The following HAUS6 variants were observed in gnomAD, a reference collection of about 807,000 sequenced individuals.
HAUS6 encodes HAUS augmin like complex subunit 6.
In HAUS6, 80 loss-of-function variants were observed where a neutral mutation model predicts 106.8. That is an observed-to-expected ratio of 0.75 (90% CI 0.63 to 0.90). The LOEUF is 0.90. HAUS6 is among the 40% of genes least tolerant of loss of function. The pLI is 0.00. For missense variants in HAUS6, 1,155 were observed against 1,118.1 expected (o/e 1.03, Z -0.47); for synonymous variants, 356 against 379.1 (o/e 0.94, Z 0.71).
At position 19,076,712 on chromosome 9, in the gene HAUS6, C is replaced by G. The variant is rs943273247; in HGVS notation, c.1192-8G>C. On this transcript the variant is annotated splice_region_variant and splice_polypyrimidine_tract_variant and intron_variant, in intron 10 of 16. Transcript: ENST00000380502. ...TGGTAAAAGATCTACAGACTTAAAA[C>G]AGAAAATTCACAATTTTGAAGTAAA... The G allele has an allele frequency of 7.7e-7, 1 of 1,300,124 alleles. No individual in the cohort carries two copies. The highest frequency in any genetic ancestry group is 1.1e-6 in the Non-Finnish European group (1 of 898,134). The allele number at this position is 1,300,124 out of a possible 1,614,324, so 80.5% of individuals were successfully genotyped here.
At chr9:19,089,613 G>A (rs1026957952) in intron 4 of HAUS6, 54 bp from the exon 5 acceptor site, 31 of 1,378,080 alleles carry the variant, frequency 2.2e-5, no homozygotes, top group Admixed American at 6.2e-5. Flanking sequence ...ATAGTAGTGG[G>A]TTATCAGAAA....
At chr9:19,086,876 A>C (rs1837308599) in intron 6 of HAUS6, 94 bp from the exon 7 acceptor site, 4 of 661,618 alleles carry the variant, frequency 6.0e-6, no homozygotes, top group Non-Finnish European at 1.1e-5. Flanking sequence ...CAACCCACCA[A>C]CAACCACCCC....
chr9:19,078,118 CAAAAAAA>C, intron 10 of HAUS6, 51 bp downstream of exon 10: 1 of 1,069,326 alleles, frequency 9.4e-7, no homozygotes, highest in Non-Finnish European at 1.3e-6. Context: ...GACACTGTCT[CAAAAAAA>C]AAAAAAAAGG....
At chr9:19,069,699 CA>C (rs542217052) in intron 12 of HAUS6, among the ~76,000 whole-genome samples, 2 of 146,500 alleles carry the variant, frequency 1.4e-5, no homozygotes, top group South Asian at 4.3e-4. Flanking sequence ...GACTCCATTT[CA>C]AAAAAAAACA....
chr9:19,085,765 C>A (rs1427120033), intron 7 of HAUS6, among the ~76,000 whole-genome samples: 1 of 152,148 alleles, frequency 6.6e-6, no homozygotes, highest in African/African-American at 2.4e-5. Flanking sequence ...TACTTAACAT[C>A]TCCCTTCAGT....
At chr9:19,089,377 A>T (rs41269007) in intron 5 of HAUS6, 35 bp downstream of exon 5, 4 of 1,407,752 alleles carry the variant, frequency 2.8e-6, no homozygotes, top group East Asian at 4.6e-5. Context: ...TTCAAAAGAA[A>T]GAAATTATTT....
rs1249877842 is a variant in HAUS6 at position 19,055,208 on chromosome 9, T to C, written c.*1135A>G. The C allele has an allele frequency of 6.6e-6, 1 of 152,192 alleles. No individual in the cohort carries two copies. Among genetic ancestry groups the C allele is most frequent in the Admixed American group, 6.5e-5 (1 of 15,272 alleles). The allele number at this position is 152,192 out of a possible 1,614,324, so 9.4% of individuals were successfully genotyped here. Reference sequence around the variant, plus strand: ...TCCTTGCCAGTTTTTTGGGGGCTAGTGGACAAGATTTTGATGGTAGTGAGA... The same window carrying C: ...TCCTTGCCAGTTTTTTGGGGGCTAGCGGACAAGATTTTGATGGTAGTGAGA... On this transcript the variant is annotated 3_prime_UTR_variant, in exon 17 of 17. Coordinates refer to ENST00000380502, the MANE Select transcript of HAUS6 (RefSeq NM_017645.5).
intron 4 of HAUS6, among the ~76,000 whole-genome samples, chr9:19,091,381 T>C (rs545921501): frequency 9.2e-5 from 14 of 152,116 alleles, no homozygotes; most frequent in Admixed American, 3.3e-4. Context: ...TTATCTAGAC[T>C]CTGAACACGT....
intron 2 of HAUS6, 98 bp from the exon 3 acceptor site, chr9:19,094,493 C>G: frequency 1.4e-6 from 1 of 702,116 alleles, no homozygotes; most frequent in Non-Finnish European, 2.4e-6. Context: ...TTTCTAATAC[C>G]AGAAATATTA....
In HAUS6 at chr9:19,053,270, T is replaced by G. The variant is rs1836395631; in HGVS notation, c.*3073A>C. The stretch of plus-strand genomic sequence containing the variant: ...ACAATGCATAAAGAAAAAGGTGATC[T>G]CTAGAGCAACTATGTATCTGCAACA... On this transcript the variant is annotated 3_prime_UTR_variant, in exon 17 of 17. Coordinates refer to ENST00000380502, the MANE Select transcript of HAUS6 (RefSeq NM_017645.5). The G allele has an allele frequency of 1.3e-5, 2 of 152,174 alleles. No individual in the cohort carries two copies. Among genetic ancestry groups the G allele is most frequent in the Non-Finnish European group, 2.9e-5 (2 of 68,004 alleles). The allele number at this position is 152,174 out of a possible 1,614,324, so 9.4% of individuals were successfully genotyped here.
At chr9:19,074,281 AAGAG>A (rs1157011949) in intron 11 of HAUS6, among the ~76,000 whole-genome samples, 1 of 152,022 alleles carries the variant, frequency 6.6e-6, no homozygotes, top group Admixed American at 6.6e-5. Flanking sequence ...AAAGAGAAAG[AAGAG>A]AGAGAGGGTC....
chr9:19,087,962 G>C (rs1033660161), intron 5 of HAUS6, among the ~76,000 whole-genome samples: 2 of 150,580 alleles, frequency 1.3e-5, no homozygotes, highest in African/African-American at 2.4e-5. Context: ...TGCCTAAACA[G>C]TATCTGACAC....
intron 8 of HAUS6, among the ~76,000 whole-genome samples, chr9:19,081,105 A>G (rs1837137513): frequency 6.6e-6 from 1 of 152,174 alleles, no homozygotes; most frequent in African/African-American, 2.4e-5. Context: ...GCGGGGGGAA[A>G]AAAATCAAAT....
At chr9:19,083,277 A>C (rs142717247) in intron 7 of HAUS6, among the ~76,000 whole-genome samples, 100 of 152,074 alleles carry the variant, frequency 6.6e-4, no homozygotes, top group African/African-American at 2.2e-3. Flanking sequence ...AAATCTAAGA[A>C]TTTTTTTGTT....
chr9:19,060,232 G>C lies in HAUS6; in HGVS notation c.1630-9C>G, dbSNP rs1836577955. The C allele has an allele frequency of 6.6e-7, 1 of 1,511,524 alleles. No individual in the cohort carries two copies. The highest frequency in any genetic ancestry group is 1.4e-5 in the African/African-American group (1 of 70,730). 93.6% of individuals were successfully genotyped at this position (1,511,524 alleles called of 1,614,324 possible). On this transcript the variant is annotated splice_polypyrimidine_tract_variant and intron_variant, in intron 14 of 16. Transcript: ENST00000380502. ...AAAACTGCTCTGGCAACCTAAAACAGAAAAGAAAAAGTAAAGCAAAGATTA... is the reference window on the plus strand; with the variant it reads ...AAAACTGCTCTGGCAACCTAAAACACAAAAGAAAAAGTAAAGCAAAGATTA...
At chr9:19,094,142 C>T (rs796892595) in intron 3 of HAUS6, among the ~76,000 whole-genome samples, 175 bp downstream of exon 3, 4 of 152,206 alleles carry the variant, frequency 2.6e-5, no homozygotes, top group African/African-American at 7.2e-5. Context: ...CTGGTTTCTT[C>T]GAAATATATA....
chr9:19,071,289 A>G (rs1836877076), intron 11 of HAUS6, among the ~76,000 whole-genome samples: 1 of 152,224 alleles, frequency 6.6e-6, no homozygotes, highest in Non-Finnish European at 1.5e-5. Context: ...GAAAATACCT[A>G]GAATGAAGCC....
intron 11 of HAUS6, among the ~76,000 whole-genome samples, chr9:19,071,573 CTTTTTT>C (rs34684530): frequency 1.8e-5 from 2 of 109,406 alleles, no homozygotes; most frequent in Non-Finnish European, 3.6e-5. Context: ...AAAATATTTT[CTTTTTT>C]TTTTTTTTTT....
intron 1 of HAUS6, among the ~76,000 whole-genome samples, chr9:19,102,001 A>G (rs1473998550): frequency 6.6e-6 from 1 of 152,220 alleles, no homozygotes; most frequent in Non-Finnish European, 1.5e-5. Flanking sequence ...AAGTGGAAAA[A>G]GTAGGGAAGG....
Sources: allele counts gnomAD v4.1 joint callset (sites outside exome capture counted in the v4.1 genomes callset), GRCh38; gene constraint gnomAD v4.1.1; transcripts MANE v1.5; gene names NCBI Gene and HGNC (gene_info 2026-07-23, HGNC 2026-07-21).